The following HSPA4L variants were observed in gnomAD, a reference collection of about 807,000 sequenced individuals.
The protein encoded by HSPA4L is heat shock protein family A (Hsp70) member 4 like.
HSPA4L carries 48 observed loss-of-function variants against 100.3 expected under a neutral mutation model. The observed-to-expected ratio is 0.48, with a 90% confidence interval of 0.38 to 0.61. The LOEUF is 0.61. HSPA4L is among the 20% of genes least tolerant of loss of function. The pLI, the probability that HSPA4L is intolerant of heterozygous loss-of-function variation, is 0.00. For synonymous variants in HSPA4L, 319 were observed against 328.2 expected, an observed-to-expected ratio of 0.97 and a Z score of 0.30; for missense variants, 886 against 988.6, an observed-to-expected ratio of 0.90 and a Z score of 1.39.
chr4:127,820,509 A>G lies in HSPA4L; in HGVS notation c.1756A>G (p.Ser586Gly). 4 of 1,603,304 alleles carry G rather than the reference A, an allele frequency of 2.5e-6. No homozygotes were observed. The highest frequency in any genetic ancestry group is 3.4e-6 in the Non-Finnish European group (4 of 1,175,434). ...KVKSIDLPIQ[S>G]SLCRQLGQDL... ...CAAAAGTATTGATCTACCGATCCAG[A>G]GTAGCCTATGTAGACAACTAGGCCA... The change falls in exon 14 of 19, where the codon AGT becomes GGT. Residue 586 changes from serine to glycine, a missense_variant. Coordinates refer to ENST00000296464, the MANE Select transcript of HSPA4L (RefSeq NM_014278.4).
intron 12 of HSPA4L, chr4:127,812,706 T>A (rs942738143): frequency 5.2e-4 from 465 of 887,786 alleles, no homozygotes; most frequent in Non-Finnish European, 7.6e-4. Context: ...TATTTTTTTT[T>A]TTTTTTAACA....
intron 2 of HSPA4L, among the ~76,000 whole-genome samples, chr4:127,794,876 T>C (rs1343228116): frequency 1.3e-5 from 2 of 152,120 alleles, no homozygotes; most frequent in Non-Finnish European, 2.9e-5. Flanking sequence ...TCAAGGTCTG[T>C]TTGGCTTTAA....
chr4:127,800,056 T>C (rs1733131945), intron 4 of HSPA4L, among the ~76,000 whole-genome samples: 2 of 152,196 alleles, frequency 1.3e-5, no homozygotes, highest in Admixed American at 1.3e-4. Context: ...TAATAGCTTT[T>C]TAGAAATGGG....
chr4:127,827,462 G>A (rs776722283), intron 17 of HSPA4L, 38 bp downstream of exon 17: 12 of 1,610,706 alleles, frequency 7.5e-6, no homozygotes, highest in Non-Finnish European at 1.0e-5. Context: ...ACGATGGCAT[G>A]TGCATGGTAC....
At chr4:127,798,193 C>G (rs1272858217) in intron 3 of HSPA4L, among the ~76,000 whole-genome samples, 1 of 152,078 alleles carries the variant, frequency 6.6e-6, no homozygotes, top group Admixed American at 6.5e-5. Flanking sequence ...AACTGTATGA[C>G]TGAAGCTTTT....
chr4:127,805,038 G>A, intron 8 of HSPA4L, 35 bp from the exon 9 acceptor site: 1 of 1,437,862 alleles, frequency 7.0e-7, no homozygotes, highest in Non-Finnish European at 9.5e-7. Context: ...GATTTTTAAA[G>A]ACTATCATTT....
intron 10 of HSPA4L, among the ~76,000 whole-genome samples, chr4:127,806,445 G>C (rs893312965): frequency 6.6e-6 from 1 of 151,908 alleles, no homozygotes; most frequent in African/African-American, 2.4e-5. Context: ...ACATTATTTT[G>C]AGTAATATTT....
At chr4:127,792,859 G>T (rs1157429470) in intron 1 of HSPA4L, among the ~76,000 whole-genome samples, 1 of 152,224 alleles carries the variant, frequency 6.6e-6, no homozygotes, top group Non-Finnish European at 1.5e-5. Flanking sequence ...CCTGAAAGGA[G>T]TGAGAGCACC....
Position 127,795,857 on chromosome 4 carries a change from C to A in HSPA4L, c.255C>A (p.Ile85=), listed in dbSNP as rs1369178363. ...FDDPIVQTER[I]RLPYELQKMP... ...ATCCCATTGTGCAAACTGAAAGGAT[C>A]AGGCTTCCCTATGAACTGCAGAAAA... Residue 85 remains isoleucine, a synonymous_variant, in exon 3 of 19, where the codon ATC becomes ATA. Transcript: ENST00000296464. The A allele has an allele frequency of 1.2e-6, 2 of 1,613,558 alleles. No homozygotes were observed. The highest frequency in any genetic ancestry group is 1.7e-5 in the Admixed American group (1 of 59,994).
intron 1 of HSPA4L, among the ~76,000 whole-genome samples, chr4:127,791,180 T>A (rs998935033): frequency 2.0e-5 from 3 of 152,206 alleles, no homozygotes; most frequent in African/African-American, 7.2e-5. Context: ...TTTAATTCAG[T>A]ATATCCAAAA....
intron 12 of HSPA4L, among the ~76,000 whole-genome samples, chr4:127,814,860 C>G (rs763487351): frequency 6.6e-6 from 1 of 152,046 alleles, no homozygotes; most frequent in Non-Finnish European, 1.5e-5. Context: ...CCACCGTGCC[C>G]GGCCTGTGCA....
rs191895074 is a variant in HSPA4L at position 127,809,199 on chromosome 4, T to C, written c.1378+1070T>C. The C allele has an allele frequency of 1.7e-3, 2,038 of 1,186,514 alleles. 6 individuals are homozygous for C. The highest frequency in any genetic ancestry group is 2.4e-3 in the Non-Finnish European group (1,867 of 793,100). The allele number at this position is 1,186,514 out of a possible 1,614,324, so 73.5% of individuals were successfully genotyped here. On this transcript the variant is annotated intron_variant, in intron 11 of 18. Transcript: ENST00000296464. ...CATCAAACTCTTCAGGACAAGGTTTTCAAAACAAGTTGCAATCTTGGCAGA... is the reference window on the plus strand; with the variant it reads ...CATCAAACTCTTCAGGACAAGGTTTCCAAAACAAGTTGCAATCTTGGCAGA...
intron 11 of HSPA4L, among the ~76,000 whole-genome samples, chr4:127,810,896 A>G (rs754268877): frequency 6.6e-6 from 1 of 152,098 alleles, no homozygotes; most frequent in Admixed American, 6.6e-5. Context: ...TCTTCTATAG[A>G]TAATATATAT....
chr4:127,840,295 A>G lies in HSPA4L; in HGVS notation c.*7421A>G, dbSNP rs530140964. ...GTCATTATGGAAAATAACTTTTGGC[A>G]GTTTAGTTCCTAATGTTAACAATTC... On this transcript the variant is annotated 3_prime_UTR_variant, in exon 19 of 19. Transcript: ENST00000296464. The G allele has an allele frequency of 4.5e-4, 7 of 15,438 alleles. No individual in the cohort carries two copies. The East Asian group carries it at 0.014, about 31-fold the overall frequency. The allele number at this position is 15,438 out of a possible 1,614,324, so 1.0% of individuals were successfully genotyped here.
At chr4:127,823,486 TTTAA>T (rs1326350249) in intron 15 of HSPA4L, 27 bp from the exon 16 acceptor site, 1 of 1,445,100 alleles carries the variant, frequency 6.9e-7, no homozygotes, top group African/African-American at 1.4e-5. Context: ...GGAAAGTATT[TTTAA>T]TTAGTGTCTC....
intron 12 of HSPA4L, among the ~76,000 whole-genome samples, chr4:127,814,669 G>A (rs1465814051): frequency 6.6e-6 from 1 of 152,062 alleles, no homozygotes; most frequent in Non-Finnish European, 1.5e-5. Flanking sequence ...CCAGGTTCAA[G>A]CAGTTCTCCT....
intron 11 of HSPA4L, among the ~76,000 whole-genome samples, chr4:127,810,805 G>A (rs1006322389): frequency 6.6e-6 from 1 of 151,922 alleles, no homozygotes; most frequent in African/African-American, 2.4e-5. Context: ...GCACAGTGTG[G>A]GAGCAGGTGG....
At chr4:127,817,928 A>G (rs1560666463) in intron 12 of HSPA4L, among the ~76,000 whole-genome samples, 1 of 152,186 alleles carries the variant, frequency 6.6e-6, no homozygotes, top group Non-Finnish European at 1.5e-5. Flanking sequence ...TACATGTGCC[A>G]TGGTGGTTTG....
At chr4:127,795,590 G>C (rs1732995317) in intron 2 of HSPA4L, among the ~76,000 whole-genome samples, 178 bp from the exon 3 acceptor site, 2 of 152,092 alleles carry the variant, frequency 1.3e-5, no homozygotes, top group African/African-American at 4.8e-5. Flanking sequence ...GTTAAAATGT[G>C]TACATTCTCA....
Sources: allele counts gnomAD v4.1 joint callset (sites outside exome capture counted in the v4.1 genomes callset), GRCh38; gene constraint gnomAD v4.1.1; transcripts MANE v1.5; gene names NCBI Gene and HGNC (gene_info 2026-07-23, HGNC 2026-07-21).